Variants in TSG101 observed in about 807,000 individuals in gnomAD.
TSG101 encodes tumor susceptibility 101.
A neutral mutation model predicts 48.5 loss-of-function variants in TSG101; 19 were observed. The observed-to-expected ratio is 0.39, with a 90% confidence interval of 0.27 to 0.58. TSG101 has a LOEUF of 0.58. Among genes scored for constraint, TSG101 ranks in the 20% least tolerant of loss-of-function variants. TSG101 has a pLI of 0.55. For synonymous variants in TSG101, 174 were observed against 169.4 expected, an observed-to-expected ratio of 1.03 and a Z score of -0.21; for missense variants, 365 against 484.4, an observed-to-expected ratio of 0.75 and a Z score of 2.31.
chr11:18,511,551 T>A (rs759070458), intron 4 of TSG101: 1 of 152,202 alleles, frequency 6.6e-6, no homozygotes, highest in Non-Finnish European at 1.5e-5. Context: ...GGATGGCCAC[T>A]GAGACCACAT....
chr11:18,503,260 G>A (rs1161434889), intron 6 of TSG101, among the ~76,000 whole-genome samples: 3 of 152,002 alleles, frequency 2.0e-5, no homozygotes. Flanking sequence ...TTATAAATAG[G>A]AGTCCTAAAT....
At chr11:18,526,645 G>C in intron 1 of TSG101, 130 bp downstream of exon 1, 3 of 1,093,888 alleles carry the variant, frequency 2.7e-6, no homozygotes, top group South Asian at 3.2e-5. Flanking sequence ...GTTCTGAGGA[G>C]GTCGCTAAGG....
At chr11:18,521,229 A>T (rs1850267575) in intron 1 of TSG101, among the ~76,000 whole-genome samples, 1 of 151,912 alleles carries the variant, frequency 6.6e-6, no homozygotes, top group Non-Finnish European at 1.5e-5. Flanking sequence ...TCAGCATTTC[A>T]CTGAAATTGT....
chr11:18,500,465 C>G (rs1299073221), intron 7 of TSG101, among the ~76,000 whole-genome samples: 4 of 152,074 alleles, frequency 2.6e-5, no homozygotes, highest in African/African-American at 9.7e-5. Flanking sequence ...CCCTTTTCTC[C>G]TCATCCTCAA....
At chr11:18,486,336 G>A (rs147107179) in intron 7 of TSG101, among the ~76,000 whole-genome samples, 28 of 152,360 alleles carry the variant, frequency 1.8e-4, no homozygotes, top group East Asian at 1.5e-3. Flanking sequence ...GCAGGGTGTC[G>A]CTCGTCAGAG....
intron 7 of TSG101, among the ~76,000 whole-genome samples, chr11:18,498,207 A>G (rs1249261956): frequency 6.6e-6 from 1 of 152,176 alleles, no homozygotes; most frequent in African/African-American, 2.4e-5. Flanking sequence ...TCAGAAAAGT[A>G]ATGGGGAAGA....
At chr11:18,488,541 G>A (rs1849653203) in intron 7 of TSG101, among the ~76,000 whole-genome samples, 2 of 152,122 alleles carry the variant, frequency 1.3e-5, no homozygotes, top group African/African-American at 4.8e-5. Context: ...GGAGAAGTCA[G>A]GGATATTTAA....
At position 18,480,339 on chromosome 11, in the gene TSG101, C is replaced by T. The variant is rs1849508606; in HGVS notation, c.*207G>A. The T allele has an allele frequency of 2.6e-6, 1 of 383,050 alleles. No homozygotes were observed. Among genetic ancestry groups the T allele is most frequent in the African/African-American group, 2.1e-5 (1 of 48,444 alleles). The allele number at this position is 383,050 out of a possible 1,614,324, so 23.7% of individuals were successfully genotyped here. A position where few individuals can be genotyped will look rare whatever the true frequency, so the allele number is the denominator to read the frequency against. ...TGCAACAAATTTTATTTAGCAGTCC[C>T]AACATTCAGCACAAAAAGTTTACAG... On this transcript the variant is annotated 3_prime_UTR_variant, in exon 10 of 10. Coordinates refer to ENST00000251968, the MANE Select transcript of TSG101 (RefSeq NM_006292.4).
rs930233617 is a variant in TSG101, at chr11:18,516,222, T to C, written c.128-58A>G. ...CATTTTTTAAGATACTCCCATAAGT[T>C]ATTCTTTCAGAAAGACTGGTTAAAA... On this transcript the variant is annotated intron_variant, in intron 2 of 9. Coordinates refer to ENST00000251968, the MANE Select transcript of TSG101 (RefSeq NM_006292.4). The C allele has an allele frequency of 2.7e-6, 4 of 1,476,730 alleles. No homozygotes were observed. The African/African-American group carries it at 5.5e-5, about 20-fold the overall frequency. The allele number at this position is 1,476,730 out of a possible 1,614,324, so 91.5% of individuals were successfully genotyped here.
At chr11:18,484,174 C>G in intron 7 of TSG101, 102 bp from the exon 8 acceptor site, 1 of 1,180,138 alleles carries the variant, frequency 8.5e-7, no homozygotes, top group Non-Finnish European at 1.2e-6. Context: ...CCGACACTTT[C>G]AAAATGTGAG....
intron 1 of TSG101, among the ~76,000 whole-genome samples, chr11:18,521,323 C>A (rs4390325): frequency 0.2 from 29,549 of 149,376 alleles, 3,054 homozygotes; most frequent in East Asian, 0.26. Context: ...CAGTATTTGA[C>A]CAAGCTGATT....
Position 18,480,421 on chromosome 11 carries a change from ATTATTGATTCAAAATATT to A in TSG101, c.*107_*124del. On this transcript the variant is annotated 3_prime_UTR_variant, in exon 10 of 10. Coordinates refer to ENST00000251968, the MANE Select transcript of TSG101 (RefSeq NM_006292.4). ...TTTACCAAAAGAAAACAGAAAATAT[ATTATTGATTCAAAATATT>A]TTACACTTGAATGATAAACTGCAAT... is the stretch of plus-strand genomic sequence containing the variant. 1 of 710,434 alleles carries A rather than the reference ATTATTGATTCAAAATATT, an allele frequency of 1.4e-6. No individual in the cohort carries two copies. The highest frequency in any genetic ancestry group is 2.8e-5 in the East Asian group (1 of 35,134). The allele number at this position is 710,434 out of a possible 1,614,324, so 44.0% of individuals were successfully genotyped here.
intron 1 of TSG101, among the ~76,000 whole-genome samples, chr11:18,523,564 G>C (rs1053715089): frequency 6.6e-6 from 1 of 152,048 alleles, no homozygotes; most frequent in Non-Finnish European, 1.5e-5. Flanking sequence ...GTGCAGTGGC[G>C]TGATCTCAGC....
At chr11:18,497,010 G>A (rs538127769) in intron 7 of TSG101, among the ~76,000 whole-genome samples, 7 of 152,074 alleles carry the variant, frequency 4.6e-5, no homozygotes, top group East Asian at 1.9e-4. Context: ...AGAACTGCTT[G>A]AACCTGAGAG....
At chr11:18,514,999 T>C (rs1193108489) in intron 3 of TSG101, 158 bp from the exon 4 acceptor site, 18 of 633,236 alleles carry the variant, frequency 2.8e-5, no homozygotes, top group Admixed American at 2.1e-4. Context: ...CTGAGGGCAA[T>C]AGCAAAGTCA....
At chr11:18,496,605 C>G (rs1245383357) in intron 7 of TSG101, among the ~76,000 whole-genome samples, 1 of 152,098 alleles carries the variant, frequency 6.6e-6, no homozygotes, top group African/African-American at 2.4e-5. Context: ...GGGTGGATCA[C>G]TTGAATCTAG....
At chr11:18,490,909 G>A (rs865797302) in intron 7 of TSG101, 58 of 405,564 alleles carry the variant, frequency 1.4e-4, no homozygotes, top group African/African-American at 1.1e-3. Context: ...ATAGCGCTCA[G>A]CCTGCTCAGT....
chr11:18,494,667 G>A (rs965901634), intron 7 of TSG101, among the ~76,000 whole-genome samples: 1 of 152,180 alleles, frequency 6.6e-6, no homozygotes, highest in African/African-American at 2.4e-5. Flanking sequence ...TACTTATCCT[G>A]AAGATGAGGC....
At chr11:18,514,573 T>C in intron 4 of TSG101, 105 bp downstream of exon 4, 1 of 907,956 alleles carries the variant, frequency 1.1e-6, no homozygotes, top group Non-Finnish European at 1.5e-6. Context: ...TTATCTGAAC[T>C]TATCTATCCT....
Sources: gnomAD v4.1 joint callset for allele counts (sites outside exome capture counted in the v4.1 genomes callset) on GRCh38, gnomAD v4.1.1 for gene constraint, MANE v1.5 for transcripts, NCBI Gene and HGNC (gene_info 2026-07-23, HGNC 2026-07-21) for gene names.